Variants in CCDC7 observed in about 807,000 individuals in gnomAD.
CCDC7 encodes coiled-coil domain containing 7.
In CCDC7, 183 loss-of-function variants were observed where a neutral mutation model predicts 196.9. The observed-to-expected ratio is 0.93, with a 90% confidence interval of 0.82 to 1.05. The LOEUF is 1.05. Ranked by LOEUF, CCDC7 falls within the 50% of genes least tolerant of loss-of-function variation. CCDC7 has a pLI of 0.00. For missense variants in CCDC7, 1,540 were observed against 1,482.2 expected, an observed-to-expected ratio of 1.04 and a Z score of -0.64; for synonymous variants, 525 against 484.6, an observed-to-expected ratio of 1.08 and a Z score of -1.10.
chr10:32,508,932 A>ATTTTT (rs4016795), intron 9 of CCDC7, among the ~76,000 whole-genome samples: 1 of 117,106 alleles, frequency 8.5e-6, no homozygotes. Flanking sequence ...TGTGCCTGGC[A>ATTTTT]TTTTTTTTTT....
chr10:32,756,962 A>G (rs2076569488), intron 28 of CCDC7, among the ~76,000 whole-genome samples: 1 of 152,248 alleles, frequency 6.6e-6, no homozygotes, highest in South Asian at 2.1e-4. Flanking sequence ...CTAGTCTCTG[A>G]TAAAACAGAC....
intron 13 of CCDC7, among the ~76,000 whole-genome samples, chr10:32,551,118 T>A (rs2053404787): frequency 6.6e-6 from 1 of 152,158 alleles, no homozygotes; most frequent in Non-Finnish European, 1.5e-5. Flanking sequence ...TCTTCCTGAT[T>A]TAAGCTAGGA....
intron 16 of CCDC7, among the ~76,000 whole-genome samples, chr10:32,578,575 T>G (rs934231336): frequency 6.6e-6 from 1 of 151,524 alleles, no homozygotes; most frequent in African/African-American, 2.4e-5. Context: ...CCCTCACATG[T>G]GAAGTTAACA....
chr10:32,722,717 A>G (rs1019084234), intron 25 of CCDC7, among the ~76,000 whole-genome samples: 1 of 152,016 alleles, frequency 6.6e-6, no homozygotes, highest in African/African-American at 2.4e-5. Context: ...CTATTTCCAA[A>G]TAAGATCACA....
At chr10:32,541,820 G>C (rs1005125327) in intron 11 of CCDC7, among the ~76,000 whole-genome samples, 4 of 152,212 alleles carry the variant, frequency 2.6e-5, no homozygotes, top group Non-Finnish European at 5.9e-5. Flanking sequence ...TCCCAGTCTT[G>C]CACAGGTCCC....
At chr10:32,701,466 G>A (rs1315204658) in intron 24 of CCDC7, among the ~76,000 whole-genome samples, 2 of 152,186 alleles carry the variant, frequency 1.3e-5, no homozygotes, top group East Asian at 1.9e-4. Flanking sequence ...AGGGATATTG[G>A]TCTAAAATTC....
At chr10:32,714,425 G>C (rs1446287579) in intron 25 of CCDC7, among the ~76,000 whole-genome samples, 4 of 152,134 alleles carry the variant, frequency 2.6e-5, no homozygotes, top group African/African-American at 9.7e-5. Flanking sequence ...AGATTCCTTT[G>C]GGTGCCTACA....
At chr10:32,557,398 G>A (rs534877093) in intron 13 of CCDC7, among the ~76,000 whole-genome samples, 10 of 151,082 alleles carry the variant, frequency 6.6e-5, no homozygotes, top group Non-Finnish European at 1.3e-4. Context: ...ACCAAGTTTG[G>A]GACATTTTCA....
chr10:32,626,274 G>A (rs1024904956), intron 18 of CCDC7, among the ~76,000 whole-genome samples: 2 of 152,012 alleles, frequency 1.3e-5, no homozygotes, highest in African/African-American at 4.8e-5. Context: ...GATGTGAGGT[G>A]ACATATCATT....
intron 11 of CCDC7, among the ~76,000 whole-genome samples, chr10:32,525,301 G>A (rs897654900): frequency 2.6e-5 from 4 of 151,626 alleles, no homozygotes; most frequent in South Asian, 2.1e-4. Context: ...CTCAATAATT[G>A]TTTCTCTTGC....
At chr10:32,701,762 A>G (rs2078765542) in intron 24 of CCDC7, among the ~76,000 whole-genome samples, 3 of 152,260 alleles carry the variant, frequency 2.0e-5, no homozygotes, top group Admixed American at 6.5e-5. Context: ...GTATGTGTTG[A>G]GGAATTTATC....
Position 32,586,200 on chromosome 10 carries a change from C to T in CCDC7, c.1801+1896C>T, listed in dbSNP as rs371638965. Among the ~76,000 whole-genome samples, 269 of 152,196 alleles carry T rather than the reference C, an allele frequency of 1.8e-3. 2 individuals carry two copies. Among genetic ancestry groups the T allele is most frequent in the African/African-American group, 4.8e-3 (200 of 41,530 alleles). On this transcript the variant is annotated intron_variant, in intron 18 of 41. Coordinates refer to ENST00000639629, the Ensembl canonical transcript of CCDC7. ...TTGAAAAGTGTCTGTTCATATCCTT[C>T]GCCCACTTTTTGATGGGGTTGTTTG...
intron 10 of CCDC7, 104 bp from the exon 12 acceptor site, chr10:32,518,312 C>G: frequency 6.6e-6 from 8 of 1,215,634 alleles, no homozygotes. Context: ...TCATTCTTTT[C>G]ATGAGTTAAT....
chr10:32,554,331 A>C (rs2947076), intron 13 of CCDC7, among the ~76,000 whole-genome samples: 3 of 152,096 alleles, frequency 2.0e-5, no homozygotes, highest in Admixed American at 6.5e-5. Context: ...AGTTCTGGCC[A>C]GGAGGTTTCT....
intron 11 of CCDC7, among the ~76,000 whole-genome samples, chr10:32,533,140 TGTG>T (rs1197168836): frequency 6.6e-6 from 1 of 152,056 alleles, no homozygotes; most frequent in Non-Finnish European, 1.5e-5. Context: ...GTTTTTGTGA[TGTG>T]GTTACTATTA....
intron 22 of CCDC7, among the ~76,000 whole-genome samples, chr10:32,882,154 C>T (rs1358489514): frequency 6.6e-6 from 1 of 152,136 alleles, no homozygotes; most frequent in Non-Finnish European, 1.5e-5. Context: ...GGAGATTCAA[C>T]TCCAAGTACA....
upstream of CCDC7, among the ~76,000 whole-genome samples, chr10:32,448,345 C>T (rs1015371716): frequency 2.6e-5 from 4 of 151,704 alleles, no homozygotes; most frequent in Non-Finnish European, 4.4e-5. Flanking sequence ...GTCTCTTACA[C>T]ATATATATGA....
chr10:32,749,299 A>AT (rs1338898555), intron 28 of CCDC7, among the ~76,000 whole-genome samples: 1 of 152,158 alleles, frequency 6.6e-6, no homozygotes, highest in Non-Finnish European at 1.5e-5. Flanking sequence ...CGTTTAAAAA[A>AT]TTTTTTATCT....
exon 1 of CCDC7, chr10:32,451,811 C>G: frequency 6.2e-7 from 1 of 1,614,142 alleles, no homozygotes; most frequent in Non-Finnish European, 8.5e-7. Context: ...AAGATCTCCA[C>G]CAACAGGAGA....
Sources: allele counts gnomAD v4.1 joint callset (sites outside exome capture counted in the v4.1 genomes callset), GRCh38; gene constraint gnomAD v4.1.1; transcripts MANE v1.5; gene names NCBI Gene and HGNC (gene_info 2026-07-23, HGNC 2026-07-21).